Variants in PDGFRA observed in about 807,000 individuals in gnomAD.
PDGFRA encodes platelet derived growth factor receptor alpha.
PDGFRA carries 25 observed loss-of-function variants against 121.5 expected under a neutral mutation model. That is an observed-to-expected ratio of 0.21 (90% CI 0.15 to 0.29). The LOEUF is 0.29. Ranked by LOEUF, PDGFRA falls within the 10% of genes least tolerant of loss-of-function variation. The pLI, the probability that PDGFRA is intolerant of heterozygous loss-of-function variation, is 1.00. For synonymous variants in PDGFRA, 463 were observed against 494.8 expected (o/e 0.94, Z 0.85); for missense variants, 1,008 against 1,345.1 (o/e 0.75, Z 3.92).
chr4:54,293,429 CT>C (rs35064429), intron 22 of PDGFRA, among the ~76,000 whole-genome samples: 1,861 of 116,056 alleles, frequency 0.016, 26 homozygotes, highest in African/African-American at 0.057. Context: ...CCTAGAATTT[CT>C]TTTTTTTTTT....
chr4:54,263,738 A>G lies in PDGFRA; in HGVS notation c.439A>G (p.Ile147Val), dbSNP rs553864636. The G allele has an allele frequency of 1.2e-6, 2 of 1,614,052 alleles. No homozygotes were observed. The highest frequency in any genetic ancestry group is 2.2e-5 in the East Asian group (1 of 44,884). ...CATCGTGGAGGATGATGATTCTGCC[A>G]TTATACCTTGTCGCACAACTGATCC... The part of the protein sequence containing the change: ...LVIVEDDDSA[I>V]IPCRTTDPET... Residue 147 changes from isoleucine to valine, a missense_variant, in exon 4 of 23, where the codon ATT (isoleucine) becomes GTT (valine). By Grantham distance (29) the Ile-to-Val change is conservative (BLOSUM62 3). This residue lies in a region of PDGFRA where 575 missense variants were observed against 701.8 expected (regional missense o/e 0.82). Transcript: ENST00000257290.
Position 54,263,907 on chromosome 4 carries a change from T to G in PDGFRA, c.608T>G (p.Phe203Cys). 1 of 1,613,978 alleles carries G rather than the reference T, an allele frequency of 6.2e-7. No individual in the cohort carries two copies. The highest frequency in any genetic ancestry group is 8.5e-7 in the Non-Finnish European group (1 of 1,179,964). ...GGAAAGAAGTTCCAGACCATCCCAT[T>G]TAATGTTTATGCTTTAAAAGGTACT... Reference protein sequence around the residue: ...VKGKKFQTIPFNVYALKATSE... With the variant: ...VKGKKFQTIPCNVYALKATSE... Residue 203 changes from phenylalanine (F) to cysteine (C), a missense_variant, in exon 4 of 23, where the codon TTT (phenylalanine) becomes TGT (cysteine). By Grantham distance (205) the Phe-to-Cys change is radical. Around this residue, in one of 5 missense-constraint regions of PDGFRA, gnomAD observed 575 missense variants for 701.8 expected, o/e 0.82. Transcript: ENST00000257290.
rs139411764 is a variant in PDGFRA at position 54,295,414 on chromosome 4, C to T, written c.*142C>T. 48 of 763,000 alleles carry T rather than the reference C, an allele frequency of 6.3e-5. No homozygotes were observed. In the African/African-American group the frequency reaches 7.6e-4, roughly 12 times the overall value. The allele number at this position is 763,000 out of a possible 1,614,324, so 47.3% of individuals were successfully genotyped here. On this transcript the variant is annotated 3_prime_UTR_variant, in exon 23 of 23. Transcript: ENST00000257290. ...GTTCCCAGCCAAGGGCCTCGGGGAGCGTTCTAAATATGAATGAATGGGATA... is the reference window on the plus strand; with the variant it reads ...GTTCCCAGCCAAGGGCCTCGGGGAGTGTTCTAAATATGAATGAATGGGATA...
At chr4:54,241,795 C>A (rs990372897) in intron 1 of PDGFRA, among the ~76,000 whole-genome samples, 3 of 152,032 alleles carry the variant, frequency 2.0e-5, no homozygotes, top group Non-Finnish European at 4.4e-5. Context: ...TTGATCCACC[C>A]ACCTTGGCCT....
chr4:54,264,167 T>C, intron 4 of PDGFRA: 3 of 566,480 alleles, frequency 5.3e-6, no homozygotes, highest in Non-Finnish European at 6.2e-6. Flanking sequence ...TTCAAAATAC[T>C]GTAAGGAATT....
chr4:54,265,120 G>T (rs993782385), intron 5 of PDGFRA, 71 bp downstream of exon 5: 2 of 1,441,626 alleles, frequency 1.4e-6, no homozygotes, highest in Non-Finnish European at 2.0e-6. Flanking sequence ...ATTTGAGCTC[G>T]GTCTGTCACT....
intron 1 of PDGFRA, among the ~76,000 whole-genome samples, chr4:54,252,859 C>G (rs151161510): frequency 0.028 from 4,215 of 150,870 alleles, 81 homozygotes; most frequent in Non-Finnish European, 0.042. Context: ...GGAAATAGAG[C>G]CTTGCATTGC....
chr4:54,289,117 G>A lies in PDGFRA; in HGVS notation c.2880+3G>A, dbSNP rs971219204. ...TGCTGCCTGGACAATATAAAAAGGT[G>A]TGTTTGGATCTGTGGGTGGAAAGGT... On this transcript the variant is annotated splice_donor_region_variant and intron_variant, in intron 21 of 22. Coordinates refer to ENST00000257290, the MANE Select transcript of PDGFRA (RefSeq NM_006206.6). 2.0e-6 allele frequency: 3 copies of A among 1,528,590 alleles called. No individual in the cohort carries two copies. In the African/African-American group the frequency reaches 4.1e-5, roughly 21 times the overall value. 94.7% of individuals were successfully genotyped at this position (1,528,590 alleles called of 1,614,324 possible).
chr4:54,281,072 G>T (rs1299722524), intron 16 of PDGFRA, among the ~76,000 whole-genome samples: 1 of 152,148 alleles, frequency 6.6e-6, no homozygotes, highest in Non-Finnish European at 1.5e-5. Flanking sequence ...TTGAAGGTGG[G>T]TCTATCTGTT....
At chr4:54,236,257 G>C (rs930989353) in intron 1 of PDGFRA, among the ~76,000 whole-genome samples, 2 of 152,200 alleles carry the variant, frequency 1.3e-5, no homozygotes, top group African/African-American at 4.8e-5. Flanking sequence ...AGAATTTGTA[G>C]TTTCAGTTAC....
chr4:54,235,317 T>G (rs1720950813), intron 1 of PDGFRA, among the ~76,000 whole-genome samples: 1 of 152,232 alleles, frequency 6.6e-6, no homozygotes, highest in Non-Finnish European at 1.5e-5. Context: ...TGGGATGCAC[T>G]GTGCAATTGG....
intron 16 of PDGFRA, among the ~76,000 whole-genome samples, chr4:54,282,958 G>A (rs7677497): frequency 1 from 151,837 of 152,330 alleles, 75,675 homozygotes; most frequent in Middle Eastern, 1. Context: ...CATATCCCAT[G>A]TCCAGAGCAC....
Position 54,297,382 on chromosome 4 carries a change from C to T in PDGFRA, c.*2110C>T, listed in dbSNP as rs777478254. ...TTATCCAACTTTTTCATAGTAAGTGCGAAGACTGAGCCAGATTGGCCAATT... is the reference window on the plus strand; with the variant it reads ...TTATCCAACTTTTTCATAGTAAGTGTGAAGACTGAGCCAGATTGGCCAATT... On this transcript the variant is annotated 3_prime_UTR_variant, in exon 23 of 23. Coordinates refer to ENST00000257290, the MANE Select transcript of PDGFRA (RefSeq NM_006206.6). The T allele has an allele frequency of 7.7e-5, 18 of 233,536 alleles. No individual in the cohort carries two copies. The highest frequency in any genetic ancestry group is 9.3e-5 in the Non-Finnish European group (11 of 118,034). The allele number at this position is 233,536 out of a possible 1,614,324, so 14.5% of individuals were successfully genotyped here. A position where few individuals can be genotyped will look rare whatever the true frequency, so the allele number is the denominator to read the frequency against.
intron 22 of PDGFRA, among the ~76,000 whole-genome samples, chr4:54,292,108 G>A (rs968112907): frequency 6.6e-6 from 1 of 152,164 alleles, no homozygotes; most frequent in East Asian, 1.9e-4. Context: ...AAGACAGTGT[G>A]GCGATTCCCC....
intron 3 of PDGFRA, among the ~76,000 whole-genome samples, chr4:54,261,929 A>ATTTTTT (rs1414200279): frequency 1.7e-5 from 1 of 60,478 alleles, no homozygotes. Flanking sequence ...ATATATATAT[A>ATTTTTT]TATTTTTTTT....
chr4:54,273,870 G>A (rs2110294124), intron 10 of PDGFRA, 140 bp downstream of exon 10: 1 of 720,334 alleles, frequency 1.4e-6, no homozygotes, highest in East Asian at 2.7e-5. Context: ...AAAGTCATGT[G>A]GGACTTTGTT....
At chr4:54,232,053 C>A (rs1465301606) in intron 1 of PDGFRA, among the ~76,000 whole-genome samples, 1 of 152,238 alleles carries the variant, frequency 6.6e-6, no homozygotes, top group Non-Finnish European at 1.5e-5. Flanking sequence ...CGCCTTCCTG[C>A]AGACCCCACA....
intron 10 of PDGFRA, among the ~76,000 whole-genome samples, chr4:54,274,204 G>A (rs1386015327): frequency 7.9e-5 from 12 of 152,306 alleles, no homozygotes; most frequent in Admixed American, 2.6e-4. Flanking sequence ...TGAAGTAGAG[G>A]TGTCTGCCCA....
chr4:54,275,100 T>C, intron 12 of PDGFRA, 127 bp downstream of exon 12: 1 of 965,906 alleles, frequency 1.0e-6, no homozygotes, highest in East Asian at 2.4e-5. Context: ...GAAATTTGCT[T>C]TCAGAAATAC....
Sources: gnomAD v4.1 joint callset for allele counts (sites outside exome capture counted in the v4.1 genomes callset) on GRCh38, gnomAD v4.1.1 for gene constraint, gnomAD v4.1.1 regional missense constraint, MANE v1.5 for transcripts, NCBI Gene and HGNC (gene_info 2026-07-23, HGNC 2026-07-21) for gene names.